SCD5: variants seen among roughly 807,000 people sequenced by gnomAD.
SCD5 encodes the protein stearoyl-CoA desaturase 5.
In SCD5, 20 loss-of-function variants were observed where a neutral mutation model predicts 30.4. The observed-to-expected ratio is 0.66, with a 90% CI of 0.46 to 0.96. The LOEUF (loss-of-function observed/expected upper bound fraction) is 0.96. Among genes scored for constraint, SCD5 ranks in the 40% least tolerant of loss-of-function variants. The probability of loss-of-function intolerance (pLI) is 0.00; values close to 1 mark genes in which losing one functional copy is unlikely to be tolerated. For synonymous variants in SCD5, 173 were observed against 176.4 expected (o/e 0.98, Z 0.16); for missense variants, 381 against 443.3 (o/e 0.86, Z 1.26).
Position 82,730,637 on chromosome 4 carries a change from G to C in SCD5, c.233-25224C>G, listed in dbSNP as rs1230061824. Among the ~76,000 whole-genome samples the C allele has an allele frequency of 2.8e-5, 4 of 141,738 alleles. No homozygotes were observed. The East Asian group carries it at 6.1e-4, about 22-fold the overall frequency. 93.0% of individuals were successfully genotyped at this position (141,738 alleles called of 152,430 possible). On this transcript the variant is annotated intron_variant, in intron 1 of 4. Coordinates refer to ENST00000319540, the MANE Select transcript of SCD5 (RefSeq NM_001037582.3). Reference sequence around the variant, plus strand: ...GTCTCACTCTGTTGCCCAGGCTGGAGTGCAGTGGCGGGATCTTGGCTCACT... The same window carrying C: ...GTCTCACTCTGTTGCCCAGGCTGGACTGCAGTGGCGGGATCTTGGCTCACT...
At chr4:82,670,913 T>C (rs1728306724) in intron 3 of SCD5, among the ~76,000 whole-genome samples, 1 of 152,044 alleles carries the variant, frequency 6.6e-6, no homozygotes, top group African/African-American at 2.4e-5. Flanking sequence ...CCATCAATGG[T>C]CTAAATGCAT....
intron 2 of SCD5, among the ~76,000 whole-genome samples, chr4:82,688,374 G>T (rs572752023): frequency 6.6e-6 from 1 of 152,066 alleles, no homozygotes; most frequent in East Asian, 1.9e-4. Context: ...CTATCAAGAG[G>T]GTCAAATAGA....
chr4:82,750,639 G>C (rs770651222), intron 1 of SCD5, among the ~76,000 whole-genome samples: 6 of 145,488 alleles, frequency 4.1e-5, no homozygotes, highest in Non-Finnish European at 7.5e-5. Context: ...GCTGCTTGTA[G>C]CAAAAAAAAA....
chr4:82,725,418 C>T (rs1349643184), intron 1 of SCD5, among the ~76,000 whole-genome samples: 1 of 152,230 alleles, frequency 6.6e-6, no homozygotes, highest in Non-Finnish European at 1.5e-5. Context: ...CTATCAACCA[C>T]TCACAGTACT....
chr4:82,773,330 T>C (rs1721670281), intron 1 of SCD5, among the ~76,000 whole-genome samples: 1 of 152,212 alleles, frequency 6.6e-6, no homozygotes, highest in Non-Finnish European at 1.5e-5. Context: ...CTTCTCTCTC[T>C]GCCTCTCTCT....
chr4:82,726,733 C>A (rs780337595), intron 1 of SCD5, among the ~76,000 whole-genome samples: 1 of 152,202 alleles, frequency 6.6e-6, no homozygotes, highest in African/African-American at 2.4e-5. Flanking sequence ...ACGATCCAAA[C>A]TGAAGTGTTC....
At chr4:82,693,363 C>G (rs1578024394) in intron 2 of SCD5, among the ~76,000 whole-genome samples, 2 of 152,236 alleles carry the variant, frequency 1.3e-5, no homozygotes, top group South Asian at 4.1e-4. Flanking sequence ...AATGTTTAAG[C>G]CAATCCCTTC....
intron 1 of SCD5, among the ~76,000 whole-genome samples, chr4:82,736,764 G>A (rs1409385329): frequency 1.3e-5 from 2 of 152,004 alleles, no homozygotes; most frequent in Non-Finnish European, 2.9e-5. Flanking sequence ...CTGGGCTCAA[G>A]AGATCTTCCC....
chr4:82,778,625 GTCCCCT>G (rs1578064844), intron 1 of SCD5, among the ~76,000 whole-genome samples: 1 of 152,144 alleles, frequency 6.6e-6, no homozygotes, highest in East Asian at 1.9e-4. Flanking sequence ...ACCCTTTGAT[GTCCCCT>G]TCACAAGAAC....
chr4:82,678,037 T>C (rs1379534202), intron 3 of SCD5, among the ~76,000 whole-genome samples: 1 of 152,072 alleles, frequency 6.6e-6, no homozygotes, highest in African/African-American at 2.4e-5. Flanking sequence ...AGTATTCCTC[T>C]ACCTTAATCA....
intron 1 of SCD5, among the ~76,000 whole-genome samples, chr4:82,790,405 C>T (rs768785284): frequency 2.0e-5 from 3 of 152,142 alleles, no homozygotes; most frequent in Non-Finnish European, 2.9e-5. Context: ...CTCCACTCTA[C>T]TCACCAGCCA....
At chr4:82,680,667 G>A (rs889529519) in intron 3 of SCD5, 40 bp downstream of exon 3, 3 of 1,581,868 alleles carry the variant, frequency 1.9e-6, no homozygotes, top group African/African-American at 2.7e-5. Flanking sequence ...CTATGTCCTG[G>A]CCCCTGAGGG....
At chr4:82,660,448 C>CAA in intron 3 of SCD5, 1 of 676,312 alleles carries the variant, frequency 1.5e-6, no homozygotes, top group Non-Finnish European at 1.6e-6. Context: ...CAAAAATAAT[C>CAA]AACGTGTACA....
chr4:82,735,257 C>T (rs897441469), intron 1 of SCD5, among the ~76,000 whole-genome samples: 1 of 152,122 alleles, frequency 6.6e-6, no homozygotes, highest in African/African-American at 2.4e-5. Context: ...GGTTTCCTCC[C>T]ACATCCCAAA....
chr4:82,672,740 T>C (rs1728355337), intron 3 of SCD5, among the ~76,000 whole-genome samples: 2 of 152,030 alleles, frequency 1.3e-5, no homozygotes, highest in Non-Finnish European at 2.9e-5. Flanking sequence ...GACAAAGATA[T>C]TATAAGAAAA....
chr4:82,718,356 A>T (rs1720277347), intron 1 of SCD5, among the ~76,000 whole-genome samples: 1 of 151,746 alleles, frequency 6.6e-6, no homozygotes, highest in East Asian at 1.9e-4. Context: ...GCCTCTTGGG[A>T]GGAGCTGTTT....
intron 1 of SCD5, among the ~76,000 whole-genome samples, chr4:82,715,498 T>A (rs1014014827): frequency 3.3e-5 from 5 of 151,334 alleles, no homozygotes; most frequent in Non-Finnish European, 4.4e-5. Flanking sequence ...CTTGACAAGT[T>A]ACTCATCACT....
intron 4 of SCD5, among the ~76,000 whole-genome samples, chr4:82,636,043 A>C (rs1361460738): frequency 1.3e-5 from 2 of 152,210 alleles, no homozygotes; most frequent in Admixed American, 6.5e-5. Flanking sequence ...ACTACTAGTT[A>C]CTGATCACCT....
Position 82,636,753 on chromosome 4 carries a change from C to T in SCD5, c.640G>A (p.Glu214Lys). The T allele has an allele frequency of 6.2e-7, 1 of 1,614,246 alleles. No individual in the cohort carries two copies. Among genetic ancestry groups the T allele is most frequent in the Non-Finnish European group, 8.5e-7 (1 of 1,180,048 alleles). ...PTLVPWYIWG[E>K]SLWNSYFLAS... is the part of the protein sequence containing the mutation. ...AAGAAGTAGGAATTCCACAGACTCTCTCCCCAGATGTACCAGGGCACCAGC... is the reference window on the plus strand; with the variant it reads ...AAGAAGTAGGAATTCCACAGACTCTTTCCCCAGATGTACCAGGGCACCAGC... Residue 214 changes from glutamate (E) to lysine (K), a missense_variant, in exon 4 of 5, where the codon GAG (glutamate) becomes AAG (lysine). Coordinates refer to ENST00000319540, the MANE Select transcript of SCD5 (RefSeq NM_001037582.3).
Sources: gnomAD v4.1 joint callset for allele counts (sites outside exome capture counted in the v4.1 genomes callset) on GRCh38, gnomAD v4.1.1 for gene constraint, MANE v1.5 for transcripts, NCBI Gene and HGNC (gene_info 2026-07-23, HGNC 2026-07-21) for gene names.